The following KPNA7 variants were observed in gnomAD, a reference collection of about 807,000 sequenced individuals.
KPNA7 encodes the protein karyopherin subunit alpha 7.
In KPNA7, 54 loss-of-function variants were observed where a neutral mutation model predicts 53.7. The ratio of observed to expected loss-of-function variants is 1.01; its 90% CI spans 0.81 to 1.26. The LOEUF is 1.26. KPNA7 is among the 50% of genes most tolerant of loss of function. KPNA7 has a pLI of 0.00. For missense variants in KPNA7, 640 were observed against 644.5 expected, an observed-to-expected ratio of 0.99 and a Z score of 0.07; for synonymous variants, 276 against 259.3, an observed-to-expected ratio of 1.06 and a Z score of -0.62.
intron 9 of KPNA7, among the ~76,000 whole-genome samples, chr7:99,180,605 GTC>G (rs1442901833): frequency 8.0e-6 from 1 of 125,316 alleles, no homozygotes; most frequent in Admixed American, 7.7e-5. Context: ...CTCCGTCTCT[GTC>G]TCTCTCCCCA....
chr7:99,166,594 T>A, the KPNA7 span, among the ~76,000 whole-genome samples: 1,779 of 152,142 alleles, frequency 0.012, 34 homozygotes, highest in African/African-American at 0.041. Flanking sequence ...GGATTACAGG[T>A]GTGAGCCACC....
At chr7:99,165,439 C>G in the KPNA7 span, among the ~76,000 whole-genome samples, 1 of 152,114 alleles carries the variant, frequency 6.6e-6, no homozygotes, top group South Asian at 2.1e-4. Context: ...CACAGCCCCT[C>G]GAGGAGCACC....
In KPNA7 at chr7:99,173,751, T is replaced by C. The variant is rs145752831; in HGVS notation, c.1508A>G (p.Gln503Arg). ...TTCATAATCTATAAATTCATAATCT[T>C]GGTCTATGACTTGGCTCAGTAAAGT... ...SQTLLSQVID[Q>R]DYEFIDYECL... is the part of the protein sequence containing the mutation. The change falls in exon 11 of 11, where the codon CAA becomes CGA. Residue 503 changes from glutamine to arginine, a missense_variant. Physicochemically the swap from Gln to Arg is conservative, Grantham distance 43. Coordinates refer to ENST00000327442, the MANE Select transcript of KPNA7 (RefSeq NM_001145715.3). The C allele has an allele frequency of 6.4e-7, 1 of 1,551,894 alleles. No homozygotes were observed. Among genetic ancestry groups the C allele is most frequent in the African/African-American group, 1.4e-5 (1 of 73,156 alleles).
chr7:99,177,319 C>G (rs181136745), intron 10 of KPNA7, among the ~76,000 whole-genome samples: 19 of 152,254 alleles, frequency 1.2e-4, no homozygotes, highest in Middle Eastern at 3.4e-3. Context: ...GTGGCTCACG[C>G]CTGTGATCCC....
At chr7:99,176,878 C>G (rs1798927265) in intron 10 of KPNA7, among the ~76,000 whole-genome samples, 1 of 152,020 alleles carries the variant, frequency 6.6e-6, no homozygotes, top group African/African-American at 2.4e-5. Flanking sequence ...AGGACCCTGT[C>G]TTTACAAACA....
intron 7 of KPNA7, 123 bp downstream of exon 7, chr7:99,188,174 CAAA>C (rs59219718): frequency 7.1e-3 from 2,750 of 386,670 alleles, no homozygotes; most frequent in African/African-American, 0.017. Flanking sequence ...GACTCTGTCT[CAAA>C]AAAAAAAAAA....
At chr7:99,153,211 T>C in the KPNA7 span, among the ~76,000 whole-genome samples, 1 of 152,128 alleles carries the variant, frequency 6.6e-6, no homozygotes, top group Non-Finnish European at 1.5e-5. Flanking sequence ...GAGTGGGGGT[T>C]GGTACCAACA....
intron 3 of KPNA7, 68 bp downstream of exon 3, chr7:99,203,038 T>C: frequency 2.0e-6 from 3 of 1,511,398 alleles, no homozygotes; most frequent in Non-Finnish European, 2.7e-6. Flanking sequence ...CTATTAAATA[T>C]TATCCAGCCA....
intron 9 of KPNA7, among the ~76,000 whole-genome samples, chr7:99,180,961 A>C (rs1428034438): frequency 0.13 from 266 of 1,994 alleles, no homozygotes; most frequent in African/African-American, 0.25. Context: ...CTCTCTCCCC[A>C]TCTCTCTCTC....
intron 6 of KPNA7, among the ~76,000 whole-genome samples, chr7:99,190,322 C>A (rs1456023433): frequency 1.8e-4 from 23 of 126,032 alleles, no homozygotes; most frequent in African/African-American, 6.2e-4. Context: ...GGTGACAGAG[C>A]AAGACTCTGT....
chr7:99,211,635 C>A (rs1791074175), upstream of KPNA7, among the ~76,000 whole-genome samples: 1 of 152,058 alleles, frequency 6.6e-6, no homozygotes, highest in South Asian at 2.1e-4. Flanking sequence ...GCGCCAGGGA[C>A]AAGTCCCTAA....
chr7:99,183,662 C>G (rs572379681), intron 8 of KPNA7, among the ~76,000 whole-genome samples: 1 of 152,118 alleles, frequency 6.6e-6, no homozygotes, highest in East Asian at 1.9e-4. Flanking sequence ...ACAGGAACAC[C>G]GCCAGTAGCT....
chr7:99,178,771 CAAAAAAAAAAAAAAAAAAA>C (rs756807848), intron 9 of KPNA7, among the ~76,000 whole-genome samples: 6 of 27,680 alleles, frequency 2.2e-4, no homozygotes, highest in Admixed American at 1.5e-3. Context: ...ATCTTTGTCT[CAAAAAAAAAAAAAAAAAAA>C]AAAAAAAAAA....
intron 1 of KPNA7, among the ~76,000 whole-genome samples, 84 bp downstream of exon 1, chr7:99,207,944 A>G (rs1790906938): frequency 6.7e-6 from 1 of 149,760 alleles, no homozygotes; most frequent in Non-Finnish European, 1.5e-5. Context: ...AGCATTTTTT[A>G]TTTTTTGGGA....
chr7:99,186,473 C>T (rs1354434407), intron 7 of KPNA7, among the ~76,000 whole-genome samples: 1 of 152,142 alleles, frequency 6.6e-6, no homozygotes, highest in Non-Finnish European at 1.5e-5. Flanking sequence ...GGGTAAGCAA[C>T]TTCTTAGAGA....
chr7:99,200,962 C>T (rs1790499264), intron 3 of KPNA7, among the ~76,000 whole-genome samples: 1 of 152,082 alleles, frequency 6.6e-6, no homozygotes, highest in Non-Finnish European at 1.5e-5. Flanking sequence ...AGTGAGACTC[C>T]ATCTTATAAA....
intron 8 of KPNA7, 92 bp from the exon 9 acceptor site, chr7:99,182,157 C>A: frequency 1.1e-6 from 1 of 932,130 alleles, no homozygotes. Context: ...AGGCTGGTGA[C>A]AGCCAGGACT....
chr7:99,201,706 T>A (rs553623968), intron 3 of KPNA7, among the ~76,000 whole-genome samples: 5 of 151,158 alleles, frequency 3.3e-5, no homozygotes, highest in Non-Finnish European at 5.9e-5. Context: ...AACAACTTTT[T>A]GGGGTTGTTT....
chr7:99,206,382 G>A (rs1264547955), intron 2 of KPNA7, among the ~76,000 whole-genome samples: 2 of 152,008 alleles, frequency 1.3e-5, no homozygotes, highest in African/African-American at 4.8e-5. Flanking sequence ...GGCTGGTCTC[G>A]AACTCCTGAC....
Sources: allele counts gnomAD v4.1 joint callset (sites outside exome capture counted in the v4.1 genomes callset), GRCh38; gene constraint gnomAD v4.1.1; transcripts MANE v1.5; gene names NCBI Gene and HGNC (gene_info 2026-07-23, HGNC 2026-07-21).